SPATA33: variants seen among roughly 807,000 people sequenced by gnomAD.
The protein encoded by SPATA33 is spermatogenesis-associated protein 33.
Under a neutral mutation model 8.9 loss-of-function variants are expected in SPATA33, and 10 were observed. That is an observed-to-expected ratio of 1.12 (90% confidence interval 0.69 to 1.90). SPATA33 has a LOEUF of 1.90. SPATA33 is among the 40% of genes most tolerant of loss of function. The probability of loss-of-function intolerance (pLI) is 0.00; values close to 1 mark genes in which losing one functional copy is unlikely to be tolerated. For synonymous variants in SPATA33, 96 were observed against 72.8 expected (o/e 1.32, Z -1.63); for missense variants, 241 against 178.3 (o/e 1.35, Z -2.00).
intron 2 of SPATA33, chr16:89,659,799 C>T (rs903026369): frequency 2.0e-5 from 3 of 152,298 alleles, no homozygotes; most frequent in African/African-American, 7.2e-5. Flanking sequence ...TTCACACTGA[C>T]ACGCTTGTAG....
rs1191274403 is a variant in SPATA33, at chr16:89,660,325, A to G, written c.211+1904A>G. The G allele has an allele frequency of 6.1e-6, 3 of 494,356 alleles. No individual in the cohort carries two copies. The East Asian group carries it at 1.1e-4, about 17-fold the overall frequency. 30.6% of individuals were successfully genotyped at this position (494,356 alleles called of 1,614,324 possible). The stretch of plus-strand genomic sequence containing the variant: ...AGGACTCATTCAATGGTGCAAATTC[A>G]CCAGGGGCTGGAGGGAGCTGTGAAG... On this transcript the variant is annotated intron_variant, in intron 2 of 2. Transcript: ENST00000579310.
At chr16:89,667,680 A>G (rs464586) in intron 2 of SPATA33, among the ~76,000 whole-genome samples, 111,935 of 151,866 alleles carry the variant, frequency 0.74, 42,844 homozygotes, top group Middle Eastern at 0.85. Context: ...AGAAAAAGGG[A>G]TATCGCTCAG....
intron 2 of SPATA33, chr16:89,658,752 G>A (rs1420523034): frequency 1.1e-5 from 4 of 380,110 alleles, no homozygotes; most frequent in Non-Finnish European, 2.0e-5. Context: ...CTGAGCCTCC[G>A]CACACTGGAA....
rs747603582 is a variant in SPATA33, at chr16:89,669,313, G to T, written c.239G>T (p.Ser80Ile). ...AAACCTGATGTAAAGCAAAAGTCCA[G>T]CAGGAAGAAAGTGGTCGTTCCACAG... ...EEKPDVKQKS[S>I]RKKVVVPQII... is the part of the protein sequence containing the mutation. The change falls in exon 3 of 3, where the codon AGC (serine) becomes ATC (isoleucine). Residue 80 changes from serine to isoleucine, a missense_variant. Coordinates refer to ENST00000579310, the MANE Select transcript of SPATA33 (RefSeq NM_001271907.2). 6.2e-7 allele frequency: 1 copy of T among 1,614,088 alleles called. No individual in the cohort carries two copies. The highest frequency in any genetic ancestry group is 1.1e-5 in the South Asian group (1 of 91,084).
At chr16:89,668,504 C>G (rs1335406470) in intron 2 of SPATA33, among the ~76,000 whole-genome samples, 3 of 152,208 alleles carry the variant, frequency 2.0e-5, no homozygotes, top group African/African-American at 7.2e-5. Context: ...CAGAGAGAGC[C>G]AGCTCCATCC....
chr16:89,664,377 C>T (rs2059998482), intron 2 of SPATA33, among the ~76,000 whole-genome samples: 1 of 152,142 alleles, frequency 6.6e-6, no homozygotes, highest in Non-Finnish European at 1.5e-5. Context: ...CGATCCCTGC[C>T]CCTGGGAAAC....
At chr16:89,664,907 G>C (rs376978447) in intron 2 of SPATA33, among the ~76,000 whole-genome samples, 3 of 152,356 alleles carry the variant, frequency 2.0e-5, no homozygotes, top group African/African-American at 7.2e-5. Flanking sequence ...ATGATAAGTG[G>C]ATGTGCTGGT....
intron 2 of SPATA33, among the ~76,000 whole-genome samples, chr16:89,665,078 CTT>C (rs1567491958): frequency 6.6e-6 from 1 of 151,228 alleles, no homozygotes; most frequent in Non-Finnish European, 1.5e-5. Flanking sequence ...TCATTGCACT[CTT>C]GACGTTCTGG....
Position 89,669,956 on chromosome 16 carries a change from C to T in SPATA33, c.*459C>T, listed in dbSNP as rs1380753554. 8.5e-5 allele frequency: 14 copies of T among 165,610 alleles called. 1 individual carries two copies. The highest frequency in any genetic ancestry group is 1.2e-4 in the Admixed American group (2 of 17,124). 10.3% of individuals were successfully genotyped at this position (165,610 alleles called of 1,614,324 possible). On this transcript the variant is annotated 3_prime_UTR_variant, in exon 3 of 3. Coordinates refer to ENST00000579310, the MANE Select transcript of SPATA33 (RefSeq NM_001271907.2). ...AGGGCTGCCCCACGCTGTAAGAAGCCGCCGCCCCCTTCTCCAGTGCTCTCC... is the reference window on the plus strand; with the variant it reads ...AGGGCTGCCCCACGCTGTAAGAAGCTGCCGCCCCCTTCTCCAGTGCTCTCC...
chr16:89,658,150 C>T lies in SPATA33; in HGVS notation c.38-98C>T, dbSNP rs933356348. The T allele has an allele frequency of 7.1e-6, 11 of 1,557,934 alleles. No homozygotes were observed. In the African/African-American group the frequency reaches 1.2e-4, roughly 18 times the overall value. ...AACGCGGAGACTCGAGACTTGAAGC[C>T]AGCTTATTCTGGACCCACGCAGGCG... On this transcript the variant is annotated intron_variant, in intron 1 of 2. Coordinates refer to ENST00000579310, the MANE Select transcript of SPATA33 (RefSeq NM_001271907.2).
At position 89,657,916 on chromosome 16, in the gene SPATA33, G is replaced by A. The variant is rs1248876114; in HGVS notation, c.5G>A (p.Gly2Asp). 2 of 1,519,700 alleles carry A rather than the reference G, an allele frequency of 1.3e-6. No homozygotes were observed. The highest frequency in any genetic ancestry group is 1.8e-6 in the Non-Finnish European group (2 of 1,140,726). 94.1% of individuals were successfully genotyped at this position (1,519,700 alleles called of 1,614,324 possible). ...GAGGGGGCGGTGGGCTCACCCATGG[G>A]CCTTTCCAAAAGCAAAGAGAAACCC... The part of the protein sequence containing the change: M[G>D]LSKSKEKPRK... The change falls in exon 1 of 3, where the codon GGC (glycine) becomes GAC (aspartate). Residue 2 changes from glycine to aspartate, a missense_variant. Coordinates refer to ENST00000579310, the MANE Select transcript of SPATA33 (RefSeq NM_001271907.2).
Position 89,658,229 on chromosome 16 carries a change from G to A in SPATA33, c.38-19G>A. 1.2e-6 allele frequency: 2 copies of A among 1,613,788 alleles called. No individual in the cohort carries two copies. Among genetic ancestry groups the A allele is most frequent in the Non-Finnish European group, 1.7e-6 (2 of 1,179,722 alleles). On this transcript the variant is annotated intron_variant, in intron 1 of 2. Transcript: ENST00000579310. ...CATTCGGTAAGTCCCGGGTCTAACG[G>A]ATGATCCATATATTTCAGGTGAGGA...
At chr16:89,660,603 C>T in intron 2 of SPATA33, 6 of 1,187,854 alleles carry the variant, frequency 5.1e-6, no homozygotes, top group Non-Finnish European at 6.3e-6. Flanking sequence ...GAAGGAGTCC[C>T]AAAGGTGGGA....
intron 2 of SPATA33, among the ~76,000 whole-genome samples, chr16:89,668,439 T>TAA (rs1355967125): frequency 6.6e-6 from 1 of 150,594 alleles, no homozygotes. Flanking sequence ...CCACTGTAGT[T>TAA]ACGTTTCTGT....
Position 89,662,252 on chromosome 16 carries a change from C to T in SPATA33, c.211+3831C>T, listed in dbSNP as rs142693277. 6.7e-3 allele frequency among the ~76,000 whole-genome samples: 1,010 copies of T among 151,618 alleles called. 8 individuals are homozygous for T. The highest frequency in any genetic ancestry group is 0.061 in the Middle Eastern group (18 of 294). On this transcript the variant is annotated intron_variant, in intron 2 of 2. Coordinates refer to ENST00000579310, the MANE Select transcript of SPATA33 (RefSeq NM_001271907.2). Reference sequence around the variant, plus strand: ...GAGGTTGCAGTGAGCCACGATCATCCCACTGCACTCCAGCCTGGGCAATGG... The same window carrying T: ...GAGGTTGCAGTGAGCCACGATCATCTCACTGCACTCCAGCCTGGGCAATGG...
chr16:89,660,736 C>T (rs1019468963), intron 2 of SPATA33: 33 of 773,772 alleles, frequency 4.3e-5, no homozygotes, highest in East Asian at 2.4e-4. Context: ...AAATGGGAGC[C>T]GGCCACAGCT....
At chr16:89,660,691 T>G in intron 2 of SPATA33, 1 of 786,938 alleles carries the variant, frequency 1.3e-6, no homozygotes, top group Non-Finnish European at 1.7e-6. Context: ...AAAGGCACAT[T>G]TACAGAGAGA....
chr16:89,664,294 C>T lies in SPATA33; in HGVS notation c.212-4992C>T, dbSNP rs78780758. 2.7e-3 allele frequency among the ~76,000 whole-genome samples: 404 copies of T among 152,270 alleles called. 1 individual carries two copies. Among genetic ancestry groups the T allele is most frequent in the African/African-American group, 9.0e-3 (376 of 41,560 alleles). ...TGACTCTGGATCAGGGGCTCGGACACGTTGCTGTGGAGGCACACATCTTCC... is the reference window on the plus strand; with the variant it reads ...TGACTCTGGATCAGGGGCTCGGACATGTTGCTGTGGAGGCACACATCTTCC... On this transcript the variant is annotated intron_variant, in intron 2 of 2. Transcript: ENST00000579310.
chr16:89,659,995 C>T (rs1007405543), intron 2 of SPATA33: 1 of 152,358 alleles, frequency 6.6e-6, no homozygotes, highest in Admixed American at 6.5e-5. Context: ...AAAATGCTAC[C>T]TGTCTGTCAC....
Sources: gnomAD v4.1 joint callset for allele counts (sites outside exome capture counted in the v4.1 genomes callset) on GRCh38, gnomAD v4.1.1 for gene constraint, MANE v1.5 for transcripts, NCBI Gene and HGNC (gene_info 2026-07-23, HGNC 2026-07-21) for gene names.